NOVA1: variants seen among roughly 807,000 people sequenced by gnomAD.
NOVA1 encodes RNA-binding protein Nova-1.
A neutral mutation model predicts 38.0 loss-of-function variants in NOVA1; 7 were observed. The ratio of observed to expected loss-of-function variants is 0.18; its 90% CI spans 0.10 to 0.35. NOVA1 has a LOEUF of 0.35. NOVA1 is among the 10% of genes least tolerant of loss of function. The pLI, the probability that NOVA1 is intolerant of heterozygous loss-of-function variation, is 1.00. For synonymous variants in NOVA1, 270 were observed against 232.5 expected (o/e 1.16, Z -1.47); for missense variants, 460 against 616.0 (o/e 0.75, Z 2.68).
At chr14:26,489,223 T>A (rs1439626146) in intron 2 of NOVA1, among the ~76,000 whole-genome samples, 2 of 152,124 alleles carry the variant, frequency 1.3e-5, no homozygotes, top group East Asian at 1.9e-4. Context: ...TCATATTTTT[T>A]AAAAATATAG....
chr14:26,525,145 C>T (rs1357227251), intron 2 of NOVA1, among the ~76,000 whole-genome samples: 1 of 152,162 alleles, frequency 6.6e-6, no homozygotes, highest in East Asian at 1.9e-4. Flanking sequence ...CAACTCTTAC[C>T]CAAATACATC....
chr14:26,535,222 C>A (rs1889981289), intron 2 of NOVA1, among the ~76,000 whole-genome samples: 1 of 152,128 alleles, frequency 6.6e-6, no homozygotes, highest in African/African-American at 2.4e-5. Context: ...AAAAGCTTTA[C>A]TGAGACAGAA....
intron 3 of NOVA1, among the ~76,000 whole-genome samples, chr14:26,477,070 C>T (rs995658517): frequency 5.3e-5 from 8 of 152,090 alleles, no homozygotes; most frequent in African/African-American, 1.2e-4. Flanking sequence ...TATATAAATA[C>T]AATTTTAATT....
chr14:26,507,735 G>GTGTT (rs1359333986), intron 2 of NOVA1, among the ~76,000 whole-genome samples: 1 of 152,038 alleles, frequency 6.6e-6, no homozygotes, highest in Non-Finnish European at 1.5e-5. Context: ...CTATAGCCAT[G>GTGTT]TGTTCATCAT....
At chr14:26,487,694 T>C (rs1393388148) in intron 2 of NOVA1, among the ~76,000 whole-genome samples, 1 of 152,168 alleles carries the variant, frequency 6.6e-6, no homozygotes, top group African/African-American at 2.4e-5. Context: ...CGCATATGTT[T>C]CAGTTGATTG....
chr14:26,533,817 C>A (rs1889887461), intron 2 of NOVA1, among the ~76,000 whole-genome samples: 1 of 152,112 alleles, frequency 6.6e-6, no homozygotes, highest in African/African-American at 2.4e-5. Flanking sequence ...AGGTATGCAA[C>A]AAATAGTCCT....
chr14:26,472,723 T>TA (rs879843278), intron 3 of NOVA1, among the ~76,000 whole-genome samples: 3,386 of 136,558 alleles, frequency 0.025, 106 homozygotes, highest in African/African-American at 0.082. Flanking sequence ...AAAAGAGATG[T>TA]AAAAAAAAAA....
At chr14:26,544,967 T>C (rs988756365) in intron 2 of NOVA1, among the ~76,000 whole-genome samples, 3 of 152,130 alleles carry the variant, frequency 2.0e-5, no homozygotes, top group Admixed American at 1.3e-4. Context: ...GTTATGATTA[T>C]TGTGGGACCT....
chr14:26,508,555 T>TACACAC (rs34063277), intron 2 of NOVA1, among the ~76,000 whole-genome samples: 4,755 of 149,030 alleles, frequency 0.032, 101 homozygotes, highest in Non-Finnish European at 0.044. Context: ...CACATGTACA[T>TACACAC]ACACACACAC....
Position 26,571,897 on chromosome 14 carries a change from A to T in NOVA1, c.280+23513T>A, listed in dbSNP as rs1230725894. Among the ~76,000 whole-genome samples, 4 of 152,196 alleles carry T rather than the reference A, an allele frequency of 2.6e-5. No individual in the cohort carries two copies. In the South Asian group the frequency reaches 6.2e-4, roughly 24 times the overall value. On this transcript the variant is annotated intron_variant, in intron 2 of 4. Coordinates refer to ENST00000539517, the MANE Select transcript of NOVA1 (RefSeq NM_002515.3). ...ATCAGAATTGGGGGAGGAGAGAGAC[A>T]TCTTAGAAATCATCTATACAACCCT...
chr14:26,492,884 G>C (rs954358433), intron 2 of NOVA1, among the ~76,000 whole-genome samples: 1 of 151,906 alleles, frequency 6.6e-6, no homozygotes, highest in Non-Finnish European at 1.5e-5. Context: ...AGTGAGCTGG[G>C]ATTGTGCCAC....
At chr14:26,502,768 A>G (rs1381521637) in intron 2 of NOVA1, among the ~76,000 whole-genome samples, 2 of 152,058 alleles carry the variant, frequency 1.3e-5, no homozygotes, top group Non-Finnish European at 2.9e-5. Flanking sequence ...TTTCCTAAGT[A>G]AACTCAAAAA....
intron 2 of NOVA1, among the ~76,000 whole-genome samples, chr14:26,572,018 G>C (rs1249224101): frequency 6.6e-6 from 1 of 152,114 alleles, no homozygotes; most frequent in African/African-American, 2.4e-5. Flanking sequence ...CTGAGATGGG[G>C]AACAGCTTTA....
chr14:26,448,986 T>C lies in NOVA1; in HGVS notation c.520-23A>G, dbSNP rs1882379367. 3 of 1,569,186 alleles carry C rather than the reference T, an allele frequency of 1.9e-6. No homozygotes were observed. Among genetic ancestry groups the C allele is most frequent in the Non-Finnish European group, 2.6e-6 (3 of 1,154,660 alleles). On this transcript the variant is annotated intron_variant, in intron 4 of 4. Transcript: ENST00000539517. This position sits in a 1 kb window ranked among gnomAD's most constrained non-coding sequence, Gnocchi z 5.3. ...TACCTGTAATTAAAAAAAATACGTATAAATAATACTTCTGTTTTGTGCATA... is the reference window on the plus strand; with the variant it reads ...TACCTGTAATTAAAAAAAATACGTACAAATAATACTTCTGTTTTGTGCATA...
At position 26,445,339 on chromosome 14, in the gene NOVA1, A is replaced by C. The variant is rs980661636; in HGVS notation, c.*2620T>G. On this transcript the variant is annotated 3_prime_UTR_variant, in exon 5 of 5. Transcript: ENST00000539517. ...CATGGTCTATAAATTTCAGAGAATA[A>C]ATTTTTAAACAGCATGAAGCTGATT... The C allele has an allele frequency of 1.2e-4, 18 of 152,192 alleles. No homozygotes were observed. The highest frequency in any genetic ancestry group is 3.6e-4 in the African/African-American group (15 of 41,450). 9.4% of individuals were successfully genotyped at this position (152,192 alleles called of 1,614,324 possible).
chr14:26,503,758 CTAAATAAACTGATTCATCATGA>C (rs1270566983), intron 2 of NOVA1, among the ~76,000 whole-genome samples: 1 of 151,940 alleles, frequency 6.6e-6, no homozygotes, highest in African/African-American at 2.4e-5. Context: ...CAGAGGTTAG[CTAAATAAACTGATTCATCATGA>C]TAAACCAAAA....
intron 2 of NOVA1, among the ~76,000 whole-genome samples, chr14:26,498,904 G>A (rs1887038062): frequency 6.6e-6 from 1 of 152,160 alleles, no homozygotes; most frequent in Non-Finnish European, 1.5e-5. Context: ...GGGTGGAATT[G>A]GAGAATATTA....
At chr14:26,468,876 G>A (rs1253497205) in intron 4 of NOVA1, among the ~76,000 whole-genome samples, 1 of 151,988 alleles carries the variant, frequency 6.6e-6, no homozygotes, top group Non-Finnish European at 1.5e-5. Context: ...TTCTTTTCAT[G>A]AAATTTCAGA....
intron 2 of NOVA1, among the ~76,000 whole-genome samples, chr14:26,503,479 T>C (rs1454006493): frequency 3.9e-5 from 6 of 152,112 alleles, no homozygotes; most frequent in Admixed American, 6.6e-5. Flanking sequence ...ATAGCTCTGA[T>C]TGGCAAATAA....
Sources: allele counts gnomAD v4.1 joint callset (sites outside exome capture counted in the v4.1 genomes callset), GRCh38; gene constraint gnomAD v4.1.1; non-coding constraint Gnocchi (gnomAD v3.1); transcripts MANE v1.5; gene names NCBI Gene and HGNC (gene_info 2026-07-23, HGNC 2026-07-21).